The following LAMP1 variants were observed in gnomAD, a reference collection of about 807,000 sequenced individuals.
LAMP1 encodes lysosome associated membrane protein 1.
A neutral mutation model predicts 37.5 loss-of-function variants in LAMP1; 7 were observed. The observed-to-expected ratio is 0.19, with a 90% CI of 0.11 to 0.35. The LOEUF is 0.35. LAMP1 is among the 10% of genes least tolerant of loss of function. LAMP1 has a pLI of 1.00. For synonymous variants in LAMP1, 236 were observed against 229.1 expected (o/e 1.03, Z -0.27); for missense variants, 537 against 552.8 (o/e 0.97, Z 0.29).
intron 1 of LAMP1, chr13:113,305,107 T>C (rs2042591917): frequency 6.6e-6 from 1 of 152,180 alleles, no homozygotes. Context: ...TTGAAATGAG[T>C]CGGATTCATT....
At position 113,321,439 on chromosome 13, in the gene LAMP1, C is replaced by G; in HGVS notation, c.912C>G (p.Ile304Met). Residue 304 changes from isoleucine (I) to methionine (M), a missense_variant, in exon 7 of 9, where the codon ATC becomes ATG. Transcript: ENST00000332556. The surrounding 1 kb of genome is among the most constrained non-coding windows in gnomAD (Gnocchi z 5.6). ...CTAGCCGGTTTTTCCTACAAGGAAT[C>G]CAGTTGAATACAATTCTTCCTGACG... ...ASSSRFFLQG[I>M]QLNTILPDAR... 1 of 1,614,066 alleles carries G rather than the reference C, an allele frequency of 6.2e-7. No individual in the cohort carries two copies. The highest frequency in any genetic ancestry group is 2.2e-5 in the East Asian group (1 of 44,878).
At position 113,320,676 on chromosome 13, in the gene LAMP1, G is replaced by C. The variant is rs2042693247; in HGVS notation, c.876+206G>C. 1 of 587,830 alleles carries C rather than the reference G, an allele frequency of 1.7e-6. No individual in the cohort carries two copies. The highest frequency in any genetic ancestry group is 1.9e-5 in the African/African-American group (1 of 53,798). The allele number at this position is 587,830 out of a possible 1,614,324, so 36.4% of individuals were successfully genotyped here. A position where few individuals can be genotyped will look rare whatever the true frequency, so the allele number is the denominator to read the frequency against. On this transcript the variant is annotated intron_variant, in intron 6 of 8. Coordinates refer to ENST00000332556, the MANE Select transcript of LAMP1 (RefSeq NM_005561.4). This position sits in a 1 kb window ranked among gnomAD's most constrained non-coding sequence, Gnocchi z 4.4. Reference sequence around the variant, plus strand: ...TAGATGCAGCAGATGATGTGGGCGGGGCTGCTGTGCCCACAGTTGGAGTGG... The same window carrying C: ...TAGATGCAGCAGATGATGTGGGCGGCGCTGCTGTGCCCACAGTTGGAGTGG...
At chr13:113,301,639 AAAAAAATATATAT>A (rs1454629750) in intron 1 of LAMP1, among the ~76,000 whole-genome samples, 10 of 31,160 alleles carry the variant, frequency 3.2e-4, no homozygotes, top group African/African-American at 6.4e-4. Flanking sequence ...AAAAAAAAAA[AAAAAAATATATAT>A]ATATATATAT....
intron 4 of LAMP1, among the ~76,000 whole-genome samples, chr13:113,313,973 G>A (rs1329665592): frequency 5.4e-5 from 5 of 93,262 alleles, no homozygotes; most frequent in African/African-American, 1.3e-4. Flanking sequence ...TGCCTGGGGC[G>A]TGGCCTCCTG....
Position 113,322,591 on chromosome 13 carries a change from TGAC to T in LAMP1, c.*172_*174del, listed in dbSNP as rs1373091044. 1.9e-6 allele frequency: 1 copy of T among 528,290 alleles called. No homozygotes were observed. The allele number at this position is 528,290 out of a possible 1,614,324, so 32.7% of individuals were successfully genotyped here. A position where few individuals can be genotyped will look rare whatever the true frequency, so the allele number is the denominator to read the frequency against. ...ATGCACAACAGAGTAACTATCGAAA[TGAC>T]GGTGTTAATTTTGCTAACTGGGTTA... On this transcript the variant is annotated 3_prime_UTR_variant, in exon 9 of 9. Transcript: ENST00000332556.
At position 113,319,520 on chromosome 13, in the gene LAMP1, C is replaced by A; in HGVS notation, c.614C>A (p.Pro205Gln). 6.2e-7 allele frequency: 1 copy of A among 1,613,978 alleles called. No individual in the cohort carries two copies. The highest frequency in any genetic ancestry group is 8.5e-7 in the Non-Finnish European group (1 of 1,179,964). Residue 205 changes from proline to glutamine, a missense_variant, in exon 5 of 9, where the codon CCA becomes CAA. By Grantham distance (76) the Pro-to-Gln change is moderately conservative. Coordinates refer to ENST00000332556, the MANE Select transcript of LAMP1 (RefSeq NM_005561.4). Reference sequence around the variant, plus strand: ...TCCCCAACCACAGCGCCCCCTGCGCCACCCAGCCCCTCGCCCTCACCCGTG... The same window carrying A: ...TCCCCAACCACAGCGCCCCCTGCGCAACCCAGCCCCTCGCCCTCACCCGTG... ...RPSPTTAPPAPPSPSPSPVPK... is the reference protein window; with the variant it reads ...RPSPTTAPPAQPSPSPSPVPK...
chr13:113,322,505 T>C lies in LAMP1; in HGVS notation c.*84T>C, dbSNP rs551252413. On this transcript the variant is annotated 3_prime_UTR_variant, in exon 9 of 9. Transcript: ENST00000332556. ...GTCCTGTCGAAGGGGAGGCACACTT[T>C]CTGGCAAACGTTTCTCAAATCTGCT... is the stretch of plus-strand genomic sequence containing the variant. 8.1e-5 allele frequency: 109 copies of C among 1,341,486 alleles called. 1 individual carries two copies. In the Middle Eastern group the frequency reaches 5.8e-3, roughly 71 times the overall value. 83.1% of individuals were successfully genotyped at this position (1,341,486 alleles called of 1,614,324 possible).
chr13:113,297,524 C>T lies in LAMP1; in HGVS notation c.61+29C>T. On this transcript the variant is annotated intron_variant, in intron 1 of 8. Coordinates refer to ENST00000332556, the MANE Select transcript of LAMP1 (RefSeq NM_005561.4). The surrounding 1 kb of genome is among the most constrained non-coding windows in gnomAD (Gnocchi z 4.4). ...AGGGGGTCGAGGCGGGGCCTGGGAGCGGCGGGACCGGGCGGAGCCGAGGTC... is the reference window on the plus strand; with the variant it reads ...AGGGGGTCGAGGCGGGGCCTGGGAGTGGCGGGACCGGGCGGAGCCGAGGTC... 5 of 1,230,812 alleles carry T rather than the reference C, an allele frequency of 4.1e-6. No individual in the cohort carries two copies. Among genetic ancestry groups the T allele is most frequent in the Non-Finnish European group, 4.1e-6 (4 of 985,698 alleles). 76.2% of individuals were successfully genotyped at this position (1,230,812 alleles called of 1,614,324 possible).
chr13:113,322,248 G>A, intron 8 of LAMP1, 34 bp from the exon 9 acceptor site: 2 of 1,587,326 alleles, frequency 1.3e-6, no homozygotes, highest in Non-Finnish European at 1.7e-6. Context: ...CCCTGTGTGA[G>A]CAGAGCCCTG....
Position 113,321,780 on chromosome 13 carries a change from T to C in LAMP1, c.1114+53T>C. On this transcript the variant is annotated intron_variant, in intron 8 of 8. Coordinates refer to ENST00000332556, the MANE Select transcript of LAMP1 (RefSeq NM_005561.4). This position sits in a 1 kb window ranked among gnomAD's most constrained non-coding sequence, Gnocchi z 5.6. ...GGGGTGTGGAGGACGTGCTTCAGAC[T>C]CCGCCTGTGGACGTTTAGTCGCTTC... The C allele has an allele frequency of 6.4e-7, 1 of 1,565,866 alleles. No homozygotes were observed. Among genetic ancestry groups the C allele is most frequent in the East Asian group, 2.2e-5 (1 of 44,610 alleles).
chr13:113,304,244 A>G (rs1390955781), intron 1 of LAMP1, among the ~76,000 whole-genome samples: 2 of 152,188 alleles, frequency 1.3e-5, no homozygotes, highest in African/African-American at 4.8e-5. Context: ...GGCTGCTCCC[A>G]TGTGGGCATC....
At chr13:113,301,627 TAAAAAAAA>T (rs1161593860) in intron 1 of LAMP1, among the ~76,000 whole-genome samples, 47 of 9,370 alleles carry the variant, frequency 5.0e-3, no homozygotes, top group African/African-American at 0.012. Context: ...TGTTTCCATT[TAAAAAAAA>T]AAAAAAAAAA....
chr13:113,313,537 G>A lies in LAMP1; in HGVS notation c.562+2670G>A, dbSNP rs933520327. Among the ~76,000 whole-genome samples the A allele has an allele frequency of 5.3e-5, 8 of 151,282 alleles. No homozygotes were observed. The East Asian group carries it at 5.8e-4, about 11-fold the overall frequency. On this transcript the variant is annotated intron_variant, in intron 4 of 8. Coordinates refer to ENST00000332556, the MANE Select transcript of LAMP1 (RefSeq NM_005561.4). ...CAGTGTGGAGATGCCAGTGTGCCTGGGGCGTGGCCTCCTAGAGGGAGTCAG... is the reference window on the plus strand; with the variant it reads ...CAGTGTGGAGATGCCAGTGTGCCTGAGGCGTGGCCTCCTAGAGGGAGTCAG...
Position 113,310,737 on chromosome 13 carries a change from C to A in LAMP1, c.432C>A (p.Asp144Glu). ...KEIKTVESIT[D>E]IRADIDKKYR... Reference sequence around the variant, plus strand: ...TCAAGACTGTGGAATCTATAACTGACATCAGGGCAGATATAGATAAAAAAT... The same window carrying A: ...TCAAGACTGTGGAATCTATAACTGAAATCAGGGCAGATATAGATAAAAAAT... The change falls in exon 4 of 9, where the codon GAC becomes GAA. Residue 144 changes from aspartate (D) to glutamate (E), a missense_variant. Physicochemically the swap from Asp to Glu is conservative, Grantham distance 45 (BLOSUM62 2). Coordinates refer to ENST00000332556, the MANE Select transcript of LAMP1 (RefSeq NM_005561.4). 1 of 1,609,322 alleles carries A rather than the reference C, an allele frequency of 6.2e-7. No individual in the cohort carries two copies. The highest frequency in any genetic ancestry group is 8.5e-7 in the Non-Finnish European group (1 of 1,177,944).
intron 4 of LAMP1, among the ~76,000 whole-genome samples, chr13:113,313,217 C>T (rs1471844605): frequency 1.3e-5 from 2 of 152,304 alleles, no homozygotes; most frequent in East Asian, 1.9e-4. Context: ...GTTGAGTGCC[C>T]TGAGACGGGT....
intron 8 of LAMP1, chr13:113,322,074 G>A (rs980705996): frequency 1.3e-5 from 8 of 599,924 alleles, no homozygotes; most frequent in East Asian, 2.8e-5. Context: ...GATTCCAGAC[G>A]GGGGAGAGAC....
intron 4 of LAMP1, among the ~76,000 whole-genome samples, chr13:113,317,564 T>A (rs1257307859): frequency 6.6e-6 from 1 of 152,208 alleles, no homozygotes; most frequent in Non-Finnish European, 1.5e-5. Context: ...CAAAGCAGCG[T>A]AGGTTACACT....
chr13:113,317,538 G>A (rs1035082693), intron 4 of LAMP1, among the ~76,000 whole-genome samples: 1 of 151,650 alleles, frequency 6.6e-6, no homozygotes, highest in Non-Finnish European at 1.5e-5. Flanking sequence ...ATGGATCACA[G>A]GTGAAAAACA....
rs867861941 is a variant in LAMP1, at chr13:113,314,452, C to T, written c.562+3585C>T. Among the ~76,000 whole-genome samples, 319 of 86,450 alleles carry T rather than the reference C, an allele frequency of 3.7e-3. 42 individuals carry two copies. The highest frequency in any genetic ancestry group is 0.027 in the African/African-American group (297 of 10,838). The allele number at this position is 86,450 out of a possible 152,430, so 56.7% of individuals were successfully genotyped here. On this transcript the variant is annotated intron_variant, in intron 4 of 8. Transcript: ENST00000332556. ...TGTGGAGATGCCCGTGTGCCTGGGG[C>T]GTGGCCTCCTGGAGGGAACCAGTGT...
Sources: gnomAD v4.1 joint callset for allele counts (sites outside exome capture counted in the v4.1 genomes callset) on GRCh38, gnomAD v4.1.1 for gene constraint, Gnocchi (gnomAD v3.1) non-coding constraint, MANE v1.5 for transcripts, NCBI Gene and HGNC (gene_info 2026-07-23, HGNC 2026-07-21) for gene names.